Variants in FRMD5 observed in about 807,000 individuals in gnomAD.
The protein encoded by FRMD5 is FERM domain-containing protein 5.
In FRMD5, 20 loss-of-function variants were observed where a neutral mutation model predicts 69.0. The ratio of observed to expected loss-of-function variants is 0.29; its 90% confidence interval spans 0.20 to 0.42. The LOEUF is 0.42. FRMD5 is among the 10% of genes least tolerant of loss of function. The probability of loss-of-function intolerance (pLI) is 1.00; values close to 1 mark genes in which losing one functional copy is unlikely to be tolerated. For missense variants in FRMD5, 595 were observed against 708.6 expected (o/e 0.84, Z 1.82); for synonymous variants, 271 against 260.1 (o/e 1.04, Z -0.40).
rs188555442 is a variant in FRMD5 at position 44,143,643 on chromosome 15, C to T, written c.102+51310G>A. Among the ~76,000 whole-genome samples, 36 of 150,650 alleles carry T rather than the reference C, an allele frequency of 2.4e-4. No homozygotes were observed. The East Asian group carries it at 4.9e-3, about 20-fold the overall frequency. On this transcript the variant is annotated intron_variant, in intron 1 of 13. Coordinates refer to ENST00000417257, the MANE Select transcript of FRMD5 (RefSeq NM_032892.5). Reference sequence around the variant, plus strand: ...CTAGATGGTAGAAAGTATTATCTTTCGGCTGGGCGCGATGGCTCACGCCTG... The same window carrying T: ...CTAGATGGTAGAAAGTATTATCTTTTGGCTGGGCGCGATGGCTCACGCCTG...
chr15:43,915,541 A>G (rs1487984701), intron 4 of FRMD5, among the ~76,000 whole-genome samples: 3 of 152,062 alleles, frequency 2.0e-5, no homozygotes, highest in African/African-American at 7.2e-5. Context: ...TCCTTCTCCT[A>G]CTTGATCTTT....
At chr15:43,938,840 C>G (rs1430788037) in intron 1 of FRMD5, among the ~76,000 whole-genome samples, 1 of 151,984 alleles carries the variant, frequency 6.6e-6, no homozygotes, top group African/African-American at 2.4e-5. Context: ...TTCTTAATGA[C>G]ACCATGCTCA....
At position 44,104,359 on chromosome 15, in the gene FRMD5, G is replaced by GA. The variant is rs546896018; in HGVS notation, c.102+90593dup. Among the ~76,000 whole-genome samples, 191 of 152,132 alleles carry GA rather than the reference G, an allele frequency of 1.3e-3. 1 individual carries two copies. Among genetic ancestry groups the GA allele is most frequent in the South Asian group, 2.5e-3 (12 of 4,828 alleles). On this transcript the variant is annotated intron_variant, in intron 1 of 13. Coordinates refer to ENST00000417257, the MANE Select transcript of FRMD5 (RefSeq NM_032892.5). ...AAGCTGAGCTTAATTTGTTATTGAAGAAAAAAATTTTTACATAAATTTAGT... is the reference window on the plus strand; with the variant it reads ...AAGCTGAGCTTAATTTGTTATTGAAGAAAAAAAATTTTTACATAAATTTAGT...
At chr15:43,898,430 A>G (rs948000962) in intron 7 of FRMD5, among the ~76,000 whole-genome samples, 2 of 152,218 alleles carry the variant, frequency 1.3e-5, no homozygotes, top group Admixed American at 6.5e-5. Flanking sequence ...GTGATGTTGT[A>G]AAGATTCAAT....
At chr15:44,155,489 C>G (rs534673933) in intron 1 of FRMD5, among the ~76,000 whole-genome samples, 1 of 152,116 alleles carries the variant, frequency 6.6e-6, no homozygotes, top group East Asian at 1.9e-4. Flanking sequence ...TTGTTATTAT[C>G]TATTAAAGCT....
intron 1 of FRMD5, among the ~76,000 whole-genome samples, chr15:44,169,908 A>C (rs1167081839): frequency 6.6e-6 from 1 of 152,224 alleles, no homozygotes; most frequent in African/African-American, 2.4e-5. Context: ...ACATATTCAG[A>C]GGTGAATATA....
intron 1 of FRMD5, among the ~76,000 whole-genome samples, chr15:44,193,469 C>T (rs895055692): frequency 3.3e-5 from 5 of 152,108 alleles, no homozygotes; most frequent in African/African-American, 1.2e-4. Context: ...CACAATGATA[C>T]AATAGGAACA....
intron 1 of FRMD5, among the ~76,000 whole-genome samples, chr15:43,963,599 C>T (rs1457934367): frequency 6.6e-6 from 1 of 152,194 alleles, no homozygotes; most frequent in Non-Finnish European, 1.5e-5. Flanking sequence ...TATAAAGACA[C>T]ATGCACACGT....
intron 1 of FRMD5, among the ~76,000 whole-genome samples, chr15:44,155,942 G>A (rs1308186453): frequency 1.3e-5 from 2 of 151,968 alleles, no homozygotes; most frequent in Non-Finnish European, 2.9e-5. Context: ...GTGCAATAAG[G>A]AATATAATGA....
intron 1 of FRMD5, among the ~76,000 whole-genome samples, chr15:43,935,239 G>A (rs913070748): frequency 2.6e-5 from 4 of 152,162 alleles, no homozygotes; most frequent in African/African-American, 7.2e-5. Flanking sequence ...CAGCCCTTTC[G>A]GGGGACAAGG....
At chr15:44,160,543 A>T (rs2077600640) in intron 1 of FRMD5, among the ~76,000 whole-genome samples, 1 of 152,238 alleles carries the variant, frequency 6.6e-6, no homozygotes, top group Non-Finnish European at 1.5e-5. Flanking sequence ...AACATTGCTC[A>T]TACTGTTTGT....
intron 1 of FRMD5, among the ~76,000 whole-genome samples, chr15:43,943,566 T>C (rs1279694767): frequency 1.3e-5 from 2 of 152,230 alleles, no homozygotes; most frequent in African/African-American, 2.4e-5. Flanking sequence ...TTAGTTAAGA[T>C]GAGGCCATAC....
intron 1 of FRMD5, among the ~76,000 whole-genome samples, chr15:43,960,862 G>C (rs886373278): frequency 6.6e-6 from 1 of 152,062 alleles, no homozygotes; most frequent in Non-Finnish European, 1.5e-5. Flanking sequence ...AGTAGCAAAA[G>C]TAGACAAATT....
rs556674903 is a variant in FRMD5, at chr15:44,108,818, G to A, written c.102+86135C>T. 1.9e-4 allele frequency among the ~76,000 whole-genome samples: 29 copies of A among 151,786 alleles called. No individual in the cohort carries two copies. The East Asian group carries it at 4.3e-3, about 22-fold the overall frequency. On this transcript the variant is annotated intron_variant, in intron 1 of 13. Transcript: ENST00000417257. ...TCTACCAGTAATTTAAAAATTAGCCGGGCATGGTGGCACAAGCCTGTAGTC... is the reference window on the plus strand; with the variant it reads ...TCTACCAGTAATTTAAAAATTAGCCAGGCATGGTGGCACAAGCCTGTAGTC...
chr15:43,943,447 T>G (rs1473702011), intron 1 of FRMD5, among the ~76,000 whole-genome samples: 1 of 152,218 alleles, frequency 6.6e-6, no homozygotes, highest in Non-Finnish European at 1.5e-5. Context: ...TATTTCATGA[T>G]ACTTTTAACT....
intron 1 of FRMD5, among the ~76,000 whole-genome samples, chr15:43,960,342 C>G (rs961663798): frequency 6.6e-6 from 1 of 151,002 alleles, no homozygotes; most frequent in African/African-American, 2.4e-5. Context: ...CTCTGCCTCC[C>G]GGGTTCATGC....
intron 5 of FRMD5, 88 bp downstream of exon 5, chr15:43,909,794 A>T: frequency 1.3e-6 from 1 of 763,920 alleles, no homozygotes. Flanking sequence ...TAATGTTTAG[A>T]TTCAAGAAGG....
chr15:43,999,420 C>T (rs957571446), intron 1 of FRMD5, among the ~76,000 whole-genome samples: 8 of 152,068 alleles, frequency 5.3e-5, no homozygotes, highest in African/African-American at 9.7e-5. Flanking sequence ...CACTGTTGTG[C>T]GACCAATCTC....
chr15:43,993,472 C>T (rs376790370), intron 1 of FRMD5, among the ~76,000 whole-genome samples: 35 of 152,296 alleles, frequency 2.3e-4, no homozygotes, highest in Admixed American at 5.2e-4. Flanking sequence ...GAATTACAGG[C>T]GTGAGCCACT....
Sources: gnomAD v4.1 joint callset for allele counts (sites outside exome capture counted in the v4.1 genomes callset) on GRCh38, gnomAD v4.1.1 for gene constraint, MANE v1.5 for transcripts, NCBI Gene and HGNC (gene_info 2026-07-23, HGNC 2026-07-21) for gene names.